Variants in NFYC observed in about 807,000 individuals in gnomAD.
NFYC encodes the protein CAAT box DNA-binding protein subunit C.
A neutral mutation model predicts 53.1 loss-of-function variants in NFYC; 25 were observed. The observed-to-expected ratio is 0.47, with a 90% CI of 0.34 to 0.66. The LOEUF is 0.66. NFYC is among the 30% of genes least tolerant of loss of function. The probability of loss-of-function intolerance (pLI) is 0.01; values close to 1 mark genes in which losing one functional copy is unlikely to be tolerated. For synonymous variants in NFYC, 145 were observed against 152.6 expected (o/e 0.95, Z 0.37); for missense variants, 260 against 422.7 (o/e 0.62, Z 3.38).
chr1:40,753,116 A>G lies in NFYC; in HGVS notation c.292-35A>G, dbSNP rs149423225. 9.7e-4 allele frequency: 1,463 copies of G among 1,510,884 alleles called. 13 individuals are homozygous for G. The African/African-American group carries it at 0.018, about 18-fold the overall frequency. 93.6% of individuals were successfully genotyped at this position (1,510,884 alleles called of 1,614,324 possible). A position where few individuals can be genotyped will look rare whatever the true frequency, so the allele number is the denominator to read the frequency against. Reference sequence around the variant, plus strand: ...AAGCCAAGTGAACTAGTTTCTCCCCAGGCTAATTTTTCACACCGCTCTTCT... The same window carrying G: ...AAGCCAAGTGAACTAGTTTCTCCCCGGGCTAATTTTTCACACCGCTCTTCT... On this transcript the variant is annotated intron_variant, in intron 4 of 9. Transcript: ENST00000447388.
intron 1 of NFYC, among the ~76,000 whole-genome samples, chr1:40,714,844 G>A (rs1437429727): frequency 6.6e-6 from 1 of 152,140 alleles, no homozygotes; most frequent in Non-Finnish European, 1.5e-5. Flanking sequence ...ACTTTGGGAG[G>A]CCGAGGCAGG....
chr1:40,730,690 G>A (rs1456560968), intron 1 of NFYC: 2 of 704,474 alleles, frequency 2.8e-6, no homozygotes, highest in Non-Finnish European at 3.5e-6. Context: ...AACCCAAAAA[G>A]CCTAAGGGCT....
At chr1:40,749,708 A>C (rs761706168) in intron 4 of NFYC, 22 bp downstream of exon 4, 1 of 1,593,858 alleles carries the variant, frequency 6.3e-7, no homozygotes, top group East Asian at 2.2e-5. Context: ...GACTTAGATT[A>C]GGAAAACTGG....
At chr1:40,736,300 A>AT (rs1304446091) in intron 1 of NFYC, among the ~76,000 whole-genome samples, 1 of 152,212 alleles carries the variant, frequency 6.6e-6, no homozygotes. Flanking sequence ...GGAAAAAAAA[A>AT]GAAAAAAATC....
chr1:40,692,599 G>A (rs1031225270), intron 1 of NFYC, among the ~76,000 whole-genome samples: 3 of 152,150 alleles, frequency 2.0e-5, no homozygotes, highest in Non-Finnish European at 4.4e-5. Flanking sequence ...ATCAGGGCTA[G>A]GGGCATAGCT....
chr1:40,720,442 C>T (rs1441096880), intron 1 of NFYC, among the ~76,000 whole-genome samples: 1 of 152,164 alleles, frequency 6.6e-6, no homozygotes, highest in African/African-American at 2.4e-5. Context: ...TTTCTCCAAC[C>T]CCACTCTTGT....
chr1:40,738,875 G>C lies in NFYC; in HGVS notation c.32G>C (p.Ser11Thr), dbSNP rs1645192604. Residue 11 changes from serine to threonine, a missense_variant, in exon 2 of 10, where the codon AGC (serine) becomes ACC (threonine). Physicochemically the swap from Ser to Thr is moderately conservative, Grantham distance 58. Coordinates refer to ENST00000447388, the MANE Select transcript of NFYC (RefSeq NM_014223.5). ...ACAGAAGGAGGATTTGGTGGTACTAGCAGCAGTGATGCCCAGCAAAGCCTA... is the reference window on the plus strand; with the variant it reads ...ACAGAAGGAGGATTTGGTGGTACTACCAGCAGTGATGCCCAGCAAAGCCTA... MSTEGGFGGT[S>T]SSDAQQSLQS... 8 of 1,614,116 alleles carry C rather than the reference G, an allele frequency of 5.0e-6. No homozygotes were observed. Among genetic ancestry groups the C allele is most frequent in the Non-Finnish European group, 6.8e-6 (8 of 1,179,972 alleles).
rs1235633694 is a variant in NFYC, at chr1:40,770,051, A to G, written c.888+636A>G. ...TGCCAGCACCACATGCTAGGCTTAC[A>G]TGCCAGGGCTCCCATGAGGGCTTGG... On this transcript the variant is annotated intron_variant, in intron 9 of 9. Coordinates refer to ENST00000447388, the MANE Select transcript of NFYC (RefSeq NM_014223.5). The surrounding 1 kb of genome is among the most constrained non-coding windows in gnomAD (Gnocchi z 5.3). Among the ~76,000 whole-genome samples, 1 of 152,186 alleles carries G rather than the reference A, an allele frequency of 6.6e-6. No individual in the cohort carries two copies. Among genetic ancestry groups the G allele is most frequent in the Non-Finnish European group, 1.5e-5 (1 of 68,024 alleles).
intron 1 of NFYC, among the ~76,000 whole-genome samples, chr1:40,697,926 C>G (rs1355053892): frequency 6.6e-6 from 1 of 152,204 alleles, no homozygotes; most frequent in East Asian, 1.9e-4. Context: ...TTGTTATTTT[C>G]AGATCTCCAG....
chr1:40,722,563 G>C (rs149580680), intron 1 of NFYC, among the ~76,000 whole-genome samples: 1 of 152,330 alleles, frequency 6.6e-6, no homozygotes, highest in African/African-American at 2.4e-5. Flanking sequence ...CCAGTAGTTG[G>C]TGTCTTGTCT....
chr1:40,710,762 A>G (rs371784451), intron 1 of NFYC, among the ~76,000 whole-genome samples: 1 of 152,150 alleles, frequency 6.6e-6, no homozygotes, highest in East Asian at 1.9e-4. Context: ...GATAGGATTT[A>G]GATTCGGGGC....
intron 2 of NFYC, among the ~76,000 whole-genome samples, chr1:40,743,995 T>C (rs1425915218): frequency 6.6e-6 from 1 of 152,134 alleles, no homozygotes; most frequent in Non-Finnish European, 1.5e-5. Context: ...GCCAGTACTC[T>C]ACCCACTAGA....
chr1:40,697,068 A>G (rs778005181), intron 1 of NFYC, among the ~76,000 whole-genome samples: 19 of 152,218 alleles, frequency 1.2e-4, no homozygotes, highest in Non-Finnish European at 2.4e-4. Flanking sequence ...TCTGCAGTGC[A>G]TTTACCCTCT....
chr1:40,697,153 T>G (rs992034356), intron 1 of NFYC, among the ~76,000 whole-genome samples: 5 of 152,242 alleles, frequency 3.3e-5, no homozygotes, highest in African/African-American at 1.2e-4. Flanking sequence ...AGGGTAATTA[T>G]GAGAAATGAA....
chr1:40,763,431 C>G (rs1424175571), intron 7 of NFYC: 1 of 453,974 alleles, frequency 2.2e-6, no homozygotes, highest in Non-Finnish European at 4.4e-6. Flanking sequence ...ACTGCAGCTT[C>G]CGCCTCCCAG....
chr1:40,751,754 C>T (rs886413395), intron 4 of NFYC, among the ~76,000 whole-genome samples: 1 of 152,138 alleles, frequency 6.6e-6, no homozygotes, highest in Non-Finnish European at 1.5e-5. Context: ...TTATTATATG[C>T]TGGAGATGTT....
chr1:40,733,665 C>G (rs1340214109), intron 1 of NFYC, among the ~76,000 whole-genome samples: 3 of 150,298 alleles, frequency 2.0e-5, no homozygotes, highest in African/African-American at 7.3e-5. Context: ...AACTCCTGGG[C>G]CCAGGAGATC....
Position 40,769,427 on chromosome 1 carries a change from A to G in NFYC, c.888+12A>G. On this transcript the variant is annotated intron_variant, in intron 9 of 9. Transcript: ENST00000447388. ...TCACAGATGGACAGGTAGGGTACCC[A>G]ACCTGGGCTGGGCAGAGGGTGAGGA... 6.2e-7 allele frequency: 1 copy of G among 1,612,984 alleles called. No homozygotes were observed. Among genetic ancestry groups the G allele is most frequent in the Non-Finnish European group, 8.5e-7 (1 of 1,178,972 alleles).
intron 1 of NFYC, among the ~76,000 whole-genome samples, chr1:40,694,945 T>A (rs1282956246): frequency 6.6e-6 from 1 of 152,216 alleles, no homozygotes; most frequent in Non-Finnish European, 1.5e-5. Context: ...ACTTACACAT[T>A]TTTTTCTTTG....
Sources: gnomAD v4.1 joint callset for allele counts (sites outside exome capture counted in the v4.1 genomes callset) on GRCh38, gnomAD v4.1.1 for gene constraint, Gnocchi (gnomAD v3.1) non-coding constraint, MANE v1.5 for transcripts, NCBI Gene and HGNC (gene_info 2026-07-23, HGNC 2026-07-21) for gene names.